The following GALNT13 variants were observed in gnomAD, a reference collection of about 807,000 sequenced individuals.
GALNT13 encodes the protein UDP-GalNAc:polypeptide N-acetylgalactosaminyltransferase 13.
GALNT13 carries 28 observed loss-of-function variants against 64.2 expected under a neutral mutation model. That is an observed-to-expected ratio of 0.44 (90% CI 0.32 to 0.60). The LOEUF (loss-of-function observed/expected upper bound fraction) is 0.60, where lower values mean the gene tolerates loss of function less well. GALNT13 is among the 20% of genes least tolerant of loss of function. The pLI, the probability that GALNT13 is intolerant of heterozygous loss-of-function variation, is 0.05. For synonymous variants in GALNT13, 214 were observed against 224.6 expected, an observed-to-expected ratio of 0.95 and a Z score of 0.42; for missense variants, 577 against 669.8, an observed-to-expected ratio of 0.86 and a Z score of 1.53.
chr2:154,298,531 TG>T (rs1281896468), intron 8 of GALNT13, among the ~76,000 whole-genome samples: 39 of 88,826 alleles, frequency 4.4e-4, no homozygotes, highest in Non-Finnish European at 7.2e-4. Context: ...TATATAAAAT[TG>T]TATATATTTA....
chr2:153,354,098 T>C, the GALNT13 span: 1 of 152,168 alleles, frequency 6.6e-6, no homozygotes, highest in African/African-American at 2.4e-5. Context: ...CTATTCAGAG[T>C]GTCTATTGCT....
the GALNT13 span, among the ~76,000 whole-genome samples, chr2:153,746,910 G>A: frequency 2.2e-4 from 34 of 151,998 alleles, no homozygotes; most frequent in African/African-American, 8.0e-4. Context: ...ATTTGCTCAA[G>A]GCTTTTGTTC....
At chr2:153,105,471 G>A in the GALNT13 span, among the ~76,000 whole-genome samples, 2 of 152,108 alleles carry the variant, frequency 1.3e-5, no homozygotes, top group African/African-American at 4.8e-5. Context: ...ACAAGACAGG[G>A]ATGCCCTCTC....
chr2:154,144,880 T>C (rs1480754764), intron 4 of GALNT13, among the ~76,000 whole-genome samples: 2 of 151,792 alleles, frequency 1.3e-5, no homozygotes, highest in African/African-American at 4.8e-5. Context: ...AAGTATTTAA[T>C]ATTTTAATAC....
chr2:153,100,949 A>C, the GALNT13 span, among the ~76,000 whole-genome samples: 1 of 152,164 alleles, frequency 6.6e-6, no homozygotes, highest in East Asian at 1.9e-4. Flanking sequence ...AAATCGCTGG[A>C]ACCCGAGAGG....
At chr2:154,357,579 C>T (rs150241198) in intron 9 of GALNT13, among the ~76,000 whole-genome samples, 43 of 152,070 alleles carry the variant, frequency 2.8e-4, no homozygotes, top group African/African-American at 9.9e-4. Flanking sequence ...ATGACAACGG[C>T]GAAAATACCT....
the GALNT13 span, among the ~76,000 whole-genome samples, chr2:153,486,781 A>G: frequency 6.6e-6 from 1 of 152,210 alleles, no homozygotes; most frequent in African/African-American, 2.4e-5. Flanking sequence ...TTGCCTCCAC[A>G]GAATTTTTGT....
At chr2:154,434,089 C>A (rs773194799) in intron 11 of GALNT13, among the ~76,000 whole-genome samples, 1 of 152,204 alleles carries the variant, frequency 6.6e-6, no homozygotes, top group African/African-American at 2.4e-5. Context: ...GTGGCCTCAG[C>A]AGAAACCAAC....
In GALNT13 at chr2:154,304,230, C is replaced by T. The variant is rs80341697; in HGVS notation, c.1156+2641C>T. ...CCTCTTCTATGTTAAAAAGCTATTA[C>T]GAGGAACACCATTTCATGCATAGAT... On this transcript the variant is annotated intron_variant, in intron 9 of 12. Transcript: ENST00000392825. Among the ~76,000 whole-genome samples, 732 of 152,212 alleles carry T rather than the reference C, an allele frequency of 4.8e-3. 6 individuals carry two copies. Among genetic ancestry groups the T allele is most frequent in the African/African-American group, 0.017 (696 of 41,536 alleles).
At chr2:153,102,027 AT>A in the GALNT13 span, among the ~76,000 whole-genome samples, 2 of 152,134 alleles carry the variant, frequency 1.3e-5, no homozygotes, top group Non-Finnish European at 2.9e-5. Flanking sequence ...ATTTTTATGC[AT>A]TTTGTGTTTT....
At chr2:153,345,633 CTTTTTCTTTCTT>C in the GALNT13 span, among the ~76,000 whole-genome samples, 1 of 111,762 alleles carries the variant, frequency 8.9e-6, no homozygotes, top group East Asian at 2.6e-4. Flanking sequence ...CTTTTCCTTT[CTTTTTCTTTCTT>C]TCTTTCTTTC....
chr2:153,711,788 T>A, the GALNT13 span, among the ~76,000 whole-genome samples: 67 of 152,246 alleles, frequency 4.4e-4, 1 homozygote, highest in Non-Finnish European at 7.6e-4. Context: ...TCCCCTCTAT[T>A]ATCAGTTGTT....
the GALNT13 span, among the ~76,000 whole-genome samples, chr2:153,688,991 GGTGTGTGTGTGT>G: frequency 1.3e-3 from 170 of 130,162 alleles, no homozygotes; most frequent in Middle Eastern, 7.6e-3. Context: ...TAGAGGTAGG[GGTGTGTGTGTGT>G]GTGTGTGTGT....
At chr2:153,451,469 T>G in the GALNT13 span, among the ~76,000 whole-genome samples, 100 of 152,274 alleles carry the variant, frequency 6.6e-4, no homozygotes, top group African/African-American at 2.3e-3. Context: ...ATAATACTGC[T>G]CTCCCCCAAG....
chr2:153,100,816 G>T, the GALNT13 span, among the ~76,000 whole-genome samples: 1 of 152,074 alleles, frequency 6.6e-6, no homozygotes, highest in South Asian at 2.1e-4. Context: ...ATCTCTTGAG[G>T]CCAGGAGTTT....
the GALNT13 span, among the ~76,000 whole-genome samples, chr2:153,561,449 A>G: frequency 2.0e-5 from 3 of 152,186 alleles, no homozygotes; most frequent in East Asian, 3.9e-4. Flanking sequence ...CATAGCCTGA[A>G]GGTAATTTTA....
chr2:154,069,990 A>G (rs983650723), intron 3 of GALNT13, among the ~76,000 whole-genome samples: 3 of 152,132 alleles, frequency 2.0e-5, no homozygotes, highest in African/African-American at 7.2e-5. Flanking sequence ...CTACTAAAAT[A>G]AAAGAAAAAT....
chr2:153,179,486 A>C, the GALNT13 span, among the ~76,000 whole-genome samples: 1 of 152,080 alleles, frequency 6.6e-6, no homozygotes, highest in African/African-American at 2.4e-5. Flanking sequence ...AAATAGTGTG[A>C]TGTTTCCAGC....
chr2:153,454,226 A>G, the GALNT13 span, among the ~76,000 whole-genome samples: 4 of 152,114 alleles, frequency 2.6e-5, no homozygotes, highest in African/African-American at 9.7e-5. Context: ...GCATCACAAA[A>G]TATACCCAGG....
Sources: allele counts gnomAD v4.1 joint callset (sites outside exome capture counted in the v4.1 genomes callset), GRCh38; gene constraint gnomAD v4.1.1; transcripts MANE v1.5; gene names NCBI Gene and HGNC (gene_info 2026-07-23, HGNC 2026-07-21).